Variants in ESF1 observed in about 807,000 individuals in gnomAD.
The protein encoded by ESF1 is ESF1 nucleolar pre-rRNA processing protein.
A neutral mutation model predicts 92.0 loss-of-function variants in ESF1; 58 were observed. The ratio of observed to expected loss-of-function variants is 0.63; its 90% CI spans 0.51 to 0.78. The LOEUF (loss-of-function observed/expected upper bound fraction) is 0.78, where lower values mean the gene tolerates loss of function less well. ESF1 is among the 30% of genes least tolerant of loss of function. ESF1 has a pLI of 0.00. For missense variants in ESF1, 922 were observed against 989.1 expected (o/e 0.93, Z 0.91); for synonymous variants, 321 against 313.7 (o/e 1.02, Z -0.24).
intron 10 of ESF1, among the ~76,000 whole-genome samples, chr20:13,730,019 A>C (rs190798602): frequency 6.6e-6 from 1 of 152,328 alleles, no homozygotes; most frequent in East Asian, 1.9e-4. Context: ...AAGAATCACT[A>C]AAGCCCTAAA....
chr20:13,742,021 A>C (rs1014279889), intron 9 of ESF1, among the ~76,000 whole-genome samples: 2 of 152,230 alleles, frequency 1.3e-5, no homozygotes, highest in Non-Finnish European at 2.9e-5. Context: ...AGAGAAATGC[A>C]AATCAAGTAC....
intron 9 of ESF1, among the ~76,000 whole-genome samples, chr20:13,757,072 T>A (rs1978931665): frequency 6.6e-6 from 1 of 152,172 alleles, no homozygotes; most frequent in Non-Finnish European, 1.5e-5. Context: ...AATTAAACTG[T>A]AATCTTCTTA....
rs999029361 is a variant in ESF1, at chr20:13,730,422, T to C, written c.1951-1957A>G. ...TTTTTGAGACGGAGTCTCACTCTGT[T>C]GCCCAGGCTGGAGTGCAATGGCACG... On this transcript the variant is annotated intron_variant, in intron 10 of 13. Coordinates refer to ENST00000617257, the MANE Select transcript of ESF1 (RefSeq NM_001276380.2). Among the ~76,000 whole-genome samples the C allele has an allele frequency of 4.6e-5, 7 of 151,076 alleles. No individual in the cohort carries two copies. The South Asian group carries it at 8.4e-4, about 18-fold the overall frequency.
chr20:13,772,027 G>T, intron 5 of ESF1, among the ~76,000 whole-genome samples: 1 of 146,210 alleles, frequency 6.8e-6, no homozygotes, highest in South Asian at 2.1e-4. Context: ...TTTTTATTAA[G>T]TGCAAATATA....
chr20:13,738,995 T>C (rs1405177776), intron 9 of ESF1, among the ~76,000 whole-genome samples: 1 of 152,176 alleles, frequency 6.6e-6, no homozygotes, highest in African/African-American at 2.4e-5. Flanking sequence ...CAACAAATAC[T>C]CTTTGGGTGC....
At chr20:13,766,151 C>T (rs181258095) in intron 8 of ESF1, among the ~76,000 whole-genome samples, 3 of 152,102 alleles carry the variant, frequency 2.0e-5, no homozygotes, top group East Asian at 1.9e-4. Flanking sequence ...GATATAATGA[C>T]GAGATCTAAC....
Position 13,782,952 on chromosome 20 carries a change from G to T in ESF1, c.189C>A (p.Ser63Arg). The T allele has an allele frequency of 6.2e-7, 1 of 1,614,094 alleles. No individual in the cohort carries two copies. ...AAAAACGCTTCAAATCCTCTGTAGTGCTATGGCTAATGGGGCGCCCTCTTT... is the reference window on the plus strand; with the variant it reads ...AAAAACGCTTCAAATCCTCTGTAGTTCTATGGCTAATGGGGCGCCCTCTTT... ...VDKRGRPISH[S>R]TTEDLKRFYD... is the part of the protein sequence containing the mutation. The change falls in exon 2 of 14, where the codon AGC becomes AGA. Residue 63 changes from serine (S) to arginine (R), a missense_variant. Transcript: ENST00000617257.
intron 9 of ESF1, among the ~76,000 whole-genome samples, chr20:13,750,907 A>G (rs1421808756): frequency 1.3e-5 from 2 of 152,160 alleles, no homozygotes; most frequent in African/African-American, 4.8e-5. Context: ...GCTTGAGCCC[A>G]TGAATGAGTC....
At chr20:13,772,857 C>A (rs1979754980) in intron 4 of ESF1, among the ~76,000 whole-genome samples, 1 of 152,064 alleles carries the variant, frequency 6.6e-6, no homozygotes, top group Non-Finnish European at 1.5e-5. Context: ...GTATCTCCTC[C>A]ACATACCACC....
chr20:13,769,922 TGCA>T lies in ESF1; in HGVS notation c.1500_1502del (p.Ala501del). The T allele has an allele frequency of 6.2e-7, 1 of 1,608,616 alleles. No homozygotes were observed. The highest frequency in any genetic ancestry group is 1.1e-5 in the South Asian group (1 of 90,722). On this transcript the variant is annotated inframe_deletion, in exon 7 of 14. Coordinates refer to ENST00000617257, the MANE Select transcript of ESF1 (RefSeq NM_001276380.2). Reference sequence around the variant, plus strand: ...AAAGAAATACCGTTGATGTTCCCATTGCAGCAGAAGTGAAATATTTTGGTTTAT... The same window carrying T: ...AAAGAAATACCGTTGATGTTCCCATTGCAGAAGTGAAATATTTTGGTTTAT...
chr20:13,750,215 C>T (rs996865112), intron 9 of ESF1, among the ~76,000 whole-genome samples: 4 of 152,008 alleles, frequency 2.6e-5, no homozygotes, highest in African/African-American at 9.7e-5. Context: ...GTACTTATGC[C>T]CTATCCAGGC....
At chr20:13,744,182 A>C (rs924618897) in intron 9 of ESF1, among the ~76,000 whole-genome samples, 3 of 152,234 alleles carry the variant, frequency 2.0e-5, no homozygotes, top group African/African-American at 7.2e-5. Flanking sequence ...CACCAGAGAT[A>C]CTTAAAAATA....
intron 10 of ESF1, among the ~76,000 whole-genome samples, chr20:13,728,902 C>T (rs1600268581): frequency 6.6e-6 from 1 of 151,496 alleles, no homozygotes; most frequent in African/African-American, 2.4e-5. Flanking sequence ...AAAAAGTAAA[C>T]CAGTTTTTAA....
At chr20:13,744,437 A>G (rs542208485) in intron 9 of ESF1, among the ~76,000 whole-genome samples, 7 of 152,354 alleles carry the variant, frequency 4.6e-5, no homozygotes, top group Non-Finnish European at 7.3e-5. Context: ...GGAAATGCCT[A>G]AGTATTTCTT....
chr20:13,753,622 C>T (rs146763263), intron 9 of ESF1, among the ~76,000 whole-genome samples: 408 of 152,116 alleles, frequency 2.7e-3, no homozygotes, highest in Admixed American at 7.1e-3. Flanking sequence ...AGATGATCCT[C>T]TGAACGTACC....
At chr20:13,725,868 C>T (rs1368740418) in intron 11 of ESF1, among the ~76,000 whole-genome samples, 1 of 152,200 alleles carries the variant, frequency 6.6e-6, no homozygotes, top group African/African-American at 2.4e-5. Flanking sequence ...TAATTGACAT[C>T]TCAAAGTGAT....
In ESF1 at chr20:13,728,439, C is replaced by T. The variant is rs113041158; in HGVS notation, c.1977G>A (p.Glu659=). ...TCAAATCAACATCAGAGGGAAGTTC[C>T]TCTTCACTGGCCTCTTCAGCAAGAG... ...QKALAEEASE[E]ELPSDVDLND... Residue 659 remains glutamate (E), a synonymous_variant, in exon 11 of 14, where the codon GAG becomes GAA. Coordinates refer to ENST00000617257, the MANE Select transcript of ESF1 (RefSeq NM_001276380.2). 66 of 1,612,816 alleles carry T rather than the reference C, an allele frequency of 4.1e-5. No homozygotes were observed. The African/African-American group carries it at 8.0e-4, about 20-fold the overall frequency.
intron 9 of ESF1, among the ~76,000 whole-genome samples, chr20:13,743,161 C>T (rs763330764): frequency 2.0e-5 from 3 of 152,120 alleles, no homozygotes; most frequent in African/African-American, 2.4e-5. Context: ...CTCAACATCA[C>T]GAGTATCAGA....
At chr20:13,751,342 T>C (rs901619186) in intron 9 of ESF1, among the ~76,000 whole-genome samples, 37 of 152,208 alleles carry the variant, frequency 2.4e-4, no homozygotes, top group Admixed American at 2.1e-3. Context: ...CTGTGGGCTA[T>C]GGGAAAACAA....
Sources: gnomAD v4.1 joint callset for allele counts (sites outside exome capture counted in the v4.1 genomes callset) on GRCh38, gnomAD v4.1.1 for gene constraint, MANE v1.5 for transcripts, NCBI Gene and HGNC (gene_info 2026-07-23, HGNC 2026-07-21) for gene names.